Variants in RPRD2 observed in about 807,000 individuals in gnomAD.
RPRD2 encodes the protein regulation of nuclear pre-mRNA domain containing 2.
RPRD2 carries 12 observed loss-of-function variants against 104.4 expected under a neutral mutation model. The observed-to-expected ratio is 0.11, with a 90% CI of 0.07 to 0.19. The LOEUF is 0.19. Ranked by LOEUF, RPRD2 falls within the 10% of genes least tolerant of loss-of-function variation. The pLI, the probability that RPRD2 is intolerant of heterozygous loss-of-function variation, is 1.00. For missense variants in RPRD2, 1,543 were observed against 1,790.1 expected (o/e 0.86, Z 2.49); for synonymous variants, 714 against 684.9 (o/e 1.04, Z -0.66).
chr1:150,369,623 A>ATTTTT lies in RPRD2; in HGVS notation c.205+4719_205+4723dup, dbSNP rs61016870. The stretch of plus-strand genomic sequence containing the variant: ...AGGCGCCCGTCACCGCGCCCAGCTA[A>ATTTTT]TTTTTTTTTTTTTTTTTTTGTATTT... On this transcript the variant is annotated intron_variant, in intron 1 of 10. Transcript: ENST00000369068. Among the ~76,000 whole-genome samples the ATTTTT allele has an allele frequency of 9.9e-4, 68 of 68,848 alleles. 1 individual carries two copies. The highest frequency in any genetic ancestry group is 1.5e-3 in the Admixed American group (10 of 6,670). The allele number at this position is 68,848 out of a possible 152,430, so 45.2% of individuals were successfully genotyped here.
intron 2 of RPRD2, among the ~76,000 whole-genome samples, chr1:150,434,271 G>T (rs1443837822): frequency 6.6e-6 from 1 of 152,132 alleles, no homozygotes; most frequent in Non-Finnish European, 1.5e-5. Context: ...CAAGAAAATT[G>T]CTTGAGCCTG....
intron 2 of RPRD2, among the ~76,000 whole-genome samples, chr1:150,423,566 T>A (rs1664907976): frequency 6.6e-6 from 1 of 152,170 alleles, no homozygotes; most frequent in Non-Finnish European, 1.5e-5. Flanking sequence ...ATATGCATGA[T>A]CTTTTTTGGG....
chr1:150,407,278 A>G (rs1553886744), intron 1 of RPRD2, among the ~76,000 whole-genome samples: 1 of 152,194 alleles, frequency 6.6e-6, no homozygotes, highest in Non-Finnish European at 1.5e-5. Context: ...CTTAATTGTA[A>G]GTCTGAATCC....
At chr1:150,394,990 C>CT (rs778493520) in intron 1 of RPRD2, among the ~76,000 whole-genome samples, 6 of 152,030 alleles carry the variant, frequency 3.9e-5, no homozygotes, top group South Asian at 2.1e-4. Context: ...GGAAATAATT[C>CT]TTTTTTTTAA....
chr1:150,370,491 C>T (rs587619098), intron 1 of RPRD2, among the ~76,000 whole-genome samples: 1 of 151,834 alleles, frequency 6.6e-6, no homozygotes, highest in East Asian at 1.9e-4. Flanking sequence ...TTGGACTAGC[C>T]TCTCTGTAGT....
At chr1:150,459,478 G>A (rs1560220017) in intron 8 of RPRD2, among the ~76,000 whole-genome samples, 1 of 152,056 alleles carries the variant, frequency 6.6e-6, no homozygotes, top group Non-Finnish European at 1.5e-5. Flanking sequence ...GAACACAAAT[G>A]TGTACCAAAT....
intron 2 of RPRD2, among the ~76,000 whole-genome samples, chr1:150,419,818 G>A (rs587772163): frequency 2.0e-4 from 31 of 152,104 alleles, no homozygotes; most frequent in African/African-American, 7.0e-4. Flanking sequence ...TAGTAGAGAC[G>A]GGTTTCTCCA....
At chr1:150,402,585 A>G (rs1553885641) in intron 1 of RPRD2, among the ~76,000 whole-genome samples, 1 of 152,176 alleles carries the variant, frequency 6.6e-6, no homozygotes, top group African/African-American at 2.4e-5. Flanking sequence ...CTGAGATGGA[A>G]GGATCACTTA....
chr1:150,412,994 G>T (rs1553887958), intron 1 of RPRD2, among the ~76,000 whole-genome samples: 1 of 144,398 alleles, frequency 6.9e-6, no homozygotes, highest in African/African-American at 2.7e-5. Context: ...AAGGAAGGAA[G>T]ATAAAAAAAA....
intron 1 of RPRD2, among the ~76,000 whole-genome samples, chr1:150,382,598 A>T (rs587736070): frequency 6.6e-6 from 1 of 152,164 alleles, no homozygotes; most frequent in South Asian, 2.1e-4. Context: ...ACCTCAGGCA[A>T]TCTGCCTGCC....
At chr1:150,389,743 G>C (rs1661916885) in intron 1 of RPRD2, among the ~76,000 whole-genome samples, 2 of 152,102 alleles carry the variant, frequency 1.3e-5, no homozygotes, top group South Asian at 4.1e-4. Flanking sequence ...ACATTAACAA[G>C]CACACATTTT....
intron 2 of RPRD2, among the ~76,000 whole-genome samples, chr1:150,427,264 G>A (rs587668992): frequency 4.6e-5 from 7 of 152,284 alleles, no homozygotes; most frequent in South Asian, 4.1e-4. Flanking sequence ...CTTGAGGTCC[G>A]GAGATCGAGA....
chr1:150,402,980 A>AC (rs1330521048), intron 1 of RPRD2, among the ~76,000 whole-genome samples: 39 of 148,376 alleles, frequency 2.6e-4, no homozygotes, highest in Non-Finnish European at 2.7e-4. Flanking sequence ...AAAAAACAAA[A>AC]ACAAAAAAGA....
intron 1 of RPRD2, among the ~76,000 whole-genome samples, chr1:150,383,056 G>A (rs1239305145): frequency 2.0e-5 from 3 of 151,960 alleles, no homozygotes; most frequent in African/African-American, 4.8e-5. Flanking sequence ...GCAGTGGTGC[G>A]ATCATGGCTC....
chr1:150,462,553 A>T (rs949074734), intron 9 of RPRD2, among the ~76,000 whole-genome samples: 2 of 151,388 alleles, frequency 1.3e-5, no homozygotes, highest in East Asian at 1.9e-4. Flanking sequence ...TTTTATTTTT[A>T]TTTATTTATT....
chr1:150,470,787 A>G lies in RPRD2; in HGVS notation c.1839A>G (p.Gln613=). The G allele has an allele frequency of 6.2e-7, 1 of 1,614,016 alleles. No homozygotes were observed. The highest frequency in any genetic ancestry group is 8.5e-7 in the Non-Finnish European group (1 of 1,179,900). The part of the protein sequence containing the change: ...STSASKASIG[Q]SPGLPSTTFK... ...CAGCCAGCAAGGCCTCAATTGGGCA[A>G]AGCCCAGGGCTCCCAAGCACTACTT... The change falls in exon 11 of 11, where the codon CAA becomes CAG. Residue 613 remains glutamine (Q), a synonymous_variant. Transcript: ENST00000369068.
intron 1 of RPRD2, among the ~76,000 whole-genome samples, chr1:150,378,997 AAAG>A (rs1484354449): frequency 1.5e-4 from 22 of 150,156 alleles, no homozygotes; most frequent in Non-Finnish European, 2.5e-4. Flanking sequence ...AAAAAAAAAA[AAAG>A]GCCCAGCTGA....
chr1:150,380,106 T>C (rs1661015062), intron 1 of RPRD2, among the ~76,000 whole-genome samples: 1 of 152,222 alleles, frequency 6.6e-6, no homozygotes, highest in Non-Finnish European at 1.5e-5. Context: ...TTGCCAAAAA[T>C]GGACATAAAA....
At chr1:150,384,249 G>A (rs1051086326) in intron 1 of RPRD2, among the ~76,000 whole-genome samples, 2 of 151,960 alleles carry the variant, frequency 1.3e-5, no homozygotes, top group African/African-American at 4.8e-5. Context: ...GCAGAGCAGG[G>A]AGTACCAATT....
Sources: gnomAD v4.1 joint callset for allele counts (sites outside exome capture counted in the v4.1 genomes callset) on GRCh38, gnomAD v4.1.1 for gene constraint, MANE v1.5 for transcripts, NCBI Gene and HGNC (gene_info 2026-07-23, HGNC 2026-07-21) for gene names.